C1orf216: variants seen among roughly 807,000 people sequenced by gnomAD.
C1orf216 encodes the protein UPF0500 protein C1orf216.
C1orf216 carries 18 observed loss-of-function variants against 16.4 expected under a neutral mutation model. The ratio of observed to expected loss-of-function variants is 1.10; its 90% confidence interval spans 0.76 to 1.63. C1orf216 has a LOEUF of 1.63. Ranked by LOEUF, C1orf216 falls within the 40% of genes most tolerant of loss-of-function variation. C1orf216 has a pLI of 0.00. For synonymous variants in C1orf216, 115 were observed against 116.9 expected, an observed-to-expected ratio of 0.98 and a Z score of 0.11; for missense variants, 271 against 297.6, an observed-to-expected ratio of 0.91 and a Z score of 0.66.
Position 35,715,752 on chromosome 1 carries a change from C to T in C1orf216, c.570G>A (p.Gln190=). 1 of 1,614,170 alleles carries T rather than the reference C, an allele frequency of 6.2e-7. No individual in the cohort carries two copies. ...GCAGTCGGGCCTGCTGGTCAATCAA[C>T]TGATGCTGCAGGCCCCGGATCCACT... ...LLQWIRGLQH[Q]LIDQQARLQE... The change falls in exon 2 of 2, where the codon CAG becomes CAA. Residue 190 remains glutamine, a synonymous_variant. Coordinates refer to ENST00000270815, the MANE Select transcript of C1orf216 (RefSeq NM_152374.2). This position sits in a 1 kb window ranked among gnomAD's most constrained non-coding sequence, Gnocchi z 4.3.
chr1:35,714,842 G>T lies in C1orf216; in HGVS notation c.*790C>A, dbSNP rs1466360040. 6.6e-6 allele frequency: 1 copy of T among 152,340 alleles called. No individual in the cohort carries two copies. Among genetic ancestry groups the T allele is most frequent in the Non-Finnish European group, 1.5e-5 (1 of 68,166 alleles). The allele number at this position is 152,340 out of a possible 1,614,324, so 9.4% of individuals were successfully genotyped here. A position where few individuals can be genotyped will look rare whatever the true frequency, so the allele number is the denominator to read the frequency against. On this transcript the variant is annotated 3_prime_UTR_variant, in exon 2 of 2. Transcript: ENST00000270815. ...AATTGCAGCCAAAATTCCATGGCAG[G>T]CCAGAGCAGCCACTAAACCTCCTAC...
Position 35,715,547 on chromosome 1 carries a change from C to T in C1orf216, c.*85G>A. 1 of 1,435,490 alleles carries T rather than the reference C, an allele frequency of 7.0e-7. No homozygotes were observed. The highest frequency in any genetic ancestry group is 9.4e-7 in the Non-Finnish European group (1 of 1,065,074). The allele number at this position is 1,435,490 out of a possible 1,614,324, so 88.9% of individuals were successfully genotyped here. On this transcript the variant is annotated 3_prime_UTR_variant, in exon 2 of 2. Transcript: ENST00000270815. This position sits in a 1 kb window ranked among gnomAD's most constrained non-coding sequence, Gnocchi z 4.3. ...ACACTCATGCCTACCTGCAATCATG[C>T]CAGCAAATTATGTACTTACTAGTGC...
Position 35,715,868 on chromosome 1 carries a change from G to A in C1orf216, c.454C>T (p.Gln152Ter). Reference protein sequence around the residue: ...PLLPSVAQAVQHLQVQERYKE... With the variant: ...PLLPSVAQAV Reference sequence around the variant, plus strand: ...TAGCGCTCCTGGACTTGTAAGTGCTGCACAGCCTGGGCCACTGAGGGCAGA... The same window carrying A: ...TAGCGCTCCTGGACTTGTAAGTGCTACACAGCCTGGGCCACTGAGGGCAGA... The change falls in exon 2 of 2, where the codon CAG (glutamine) becomes TAG (stop). Residue 152 changes from glutamine to a stop codon, truncating the protein, a stop_gained. Transcript: ENST00000270815. LOFTEE classifies it high-confidence loss of function. The surrounding 1 kb of genome is among the most constrained non-coding windows in gnomAD (Gnocchi z 4.3). The A allele has an allele frequency of 6.2e-7, 1 of 1,614,230 alleles. No individual in the cohort carries two copies.
intron 1 of C1orf216, among the ~76,000 whole-genome samples, chr1:35,718,486 G>C (rs1340923738): frequency 6.6e-6 from 1 of 152,112 alleles, no homozygotes; most frequent in African/African-American, 2.4e-5. Flanking sequence ...GGGATCACAG[G>C]GTTCTCAGAG....
Position 35,714,483 on chromosome 1 carries a change from A to C in C1orf216, c.*1149T>G, listed in dbSNP as rs1256896016. ...AGGTAGAGGCAGAGACAGGGAAGCG[A>C]TATTTTCCTCATCGGCCTTGGAACA... is the stretch of plus-strand genomic sequence containing the variant. On this transcript the variant is annotated 3_prime_UTR_variant, in exon 2 of 2. Transcript: ENST00000270815. The C allele has an allele frequency of 2.0e-5, 3 of 152,172 alleles. No individual in the cohort carries two copies. 9.4% of individuals were successfully genotyped at this position (152,172 alleles called of 1,614,324 possible).
chr1:35,714,095 T>A lies in C1orf216; in HGVS notation c.*1537A>T, dbSNP rs905614439. Reference sequence around the variant, plus strand: ...GACTGAGGGCCAGAGGCTGCATCAGTGACTTCCATGCCACTGTTCACCCAC... The same window carrying A: ...GACTGAGGGCCAGAGGCTGCATCAGAGACTTCCATGCCACTGTTCACCCAC... On this transcript the variant is annotated 3_prime_UTR_variant, in exon 2 of 2. Transcript: ENST00000270815. The A allele has an allele frequency of 6.6e-6, 1 of 152,030 alleles. No homozygotes were observed. Among genetic ancestry groups the A allele is most frequent in the Non-Finnish European group, 1.5e-5 (1 of 68,016 alleles). 9.4% of individuals were successfully genotyped at this position (152,030 alleles called of 1,614,324 possible).
At position 35,714,293 on chromosome 1, in the gene C1orf216, AG is replaced by A. The variant is rs1294736028; in HGVS notation, c.*1338del. 1 of 152,242 alleles carries A rather than the reference AG, an allele frequency of 6.6e-6. No individual in the cohort carries two copies. Among genetic ancestry groups the A allele is most frequent in the Non-Finnish European group, 1.5e-5 (1 of 68,060 alleles). 9.4% of individuals were successfully genotyped at this position (152,242 alleles called of 1,614,324 possible). Reference sequence around the variant, plus strand: ...GTTTGAAGGGCCATGCAGTGAAAGAAGGGGTTAAAATTCAGCATCCTAAGCA... The same window carrying A: ...GTTTGAAGGGCCATGCAGTGAAAGAAGGGTTAAAATTCAGCATCCTAAGCA... On this transcript the variant is annotated 3_prime_UTR_variant, in exon 2 of 2. Transcript: ENST00000270815.
chr1:35,715,689 C>T lies in C1orf216; in HGVS notation c.633G>A (p.Glu211=), dbSNP rs369495390. 11 of 1,613,988 alleles carry T rather than the reference C, an allele frequency of 6.8e-6. No individual in the cohort carries two copies. The highest frequency in any genetic ancestry group is 3.3e-4 in the Middle Eastern group (2 of 6,084). ...SFDTILDNRK[E]LIRCLQQRAA... is the part of the protein sequence containing the mutation. ...CCCTCTGCTGGAGACAGCGAATAAG[C>T]TCCTTCCGGTTGTCTAGGATGGTGT... The change falls in exon 2 of 2, where the codon GAG becomes GAA. Residue 211 remains glutamate (E), a synonymous_variant. Transcript: ENST00000270815. The surrounding 1 kb of genome is among the most constrained non-coding windows in gnomAD (Gnocchi z 4.3).
intron 1 of C1orf216, chr1:35,716,751 C>T (rs188029293): frequency 2.1e-4 from 36 of 173,986 alleles, no homozygotes; most frequent in East Asian, 1.1e-3. Flanking sequence ...AATCCCAGCA[C>T]TTTGGGAGGC....
intron 1 of C1orf216, among the ~76,000 whole-genome samples, chr1:35,717,682 G>A (rs1377166283): frequency 6.6e-6 from 1 of 152,174 alleles, no homozygotes; most frequent in African/African-American, 2.4e-5. Context: ...ATACATGGTC[G>A]ACGATCAGTG....
intron 1 of C1orf216, among the ~76,000 whole-genome samples, chr1:35,717,913 C>T (rs1441700003): frequency 6.6e-6 from 1 of 152,178 alleles, no homozygotes; most frequent in Non-Finnish European, 1.5e-5. Flanking sequence ...ACTCTTGACT[C>T]CCCAGGGCTG....
intron 1 of C1orf216, among the ~76,000 whole-genome samples, chr1:35,717,433 A>G (rs1339483012): frequency 6.6e-6 from 1 of 152,020 alleles, no homozygotes; most frequent in African/African-American, 2.4e-5. Context: ...CCTTTGGCCT[A>G]CAATATCCTT....
At position 35,716,076 on chromosome 1, in the gene C1orf216, G is replaced by C. The variant is rs1640951865; in HGVS notation, c.246C>G (p.Arg82=). 7 of 1,614,052 alleles carry C rather than the reference G, an allele frequency of 4.3e-6. No homozygotes were observed. Among genetic ancestry groups the C allele is most frequent in the Non-Finnish European group, 5.9e-6 (7 of 1,180,040 alleles). The stretch of plus-strand genomic sequence containing the variant: ...GAATCTCTGCCCCCTCTGGGGGGCT[G>C]CGCACCCCTTCCTCAGGGGATCCAG... ...QAPGSPEEGV[R]SPPEGAEIPG... is the part of the protein sequence containing the mutation. The change falls in exon 2 of 2, where the codon CGC becomes CGG. Residue 82 remains arginine (R), a synonymous_variant. Transcript: ENST00000270815.
At position 35,716,081 on chromosome 1, in the gene C1orf216, C is replaced by A; in HGVS notation, c.241G>T (p.Val81Leu). The A allele has an allele frequency of 1.2e-6, 2 of 1,614,124 alleles. No homozygotes were observed. The highest frequency in any genetic ancestry group is 1.7e-6 in the Non-Finnish European group (2 of 1,180,008). The change falls in exon 2 of 2, where the codon GTG becomes TTG. Residue 81 changes from valine to leucine, a missense_variant. Around this residue, in one of 3 missense-constraint regions of C1orf216, gnomAD observed 220 missense variants for 227.8 expected, o/e 0.97. Coordinates refer to ENST00000270815, the MANE Select transcript of C1orf216 (RefSeq NM_152374.2). ...FQAPGSPEEG[V>L]RSPPEGAEIP... Reference sequence around the variant, plus strand: ...TCTGCCCCCTCTGGGGGGCTGCGCACCCCTTCCTCAGGGGATCCAGGGGCC... The same window carrying A: ...TCTGCCCCCTCTGGGGGGCTGCGCAACCCTTCCTCAGGGGATCCAGGGGCC...
chr1:35,714,936 G>A lies in C1orf216; in HGVS notation c.*696C>T, dbSNP rs889780240. On this transcript the variant is annotated 3_prime_UTR_variant, in exon 2 of 2. Transcript: ENST00000270815. The stretch of plus-strand genomic sequence containing the variant: ...CTGGGTTAAGTGAGGGAAAGGGAAA[G>A]GAGAGGTGGCCTGGGAAATCCCAGG... 6 of 152,578 alleles carry A rather than the reference G, an allele frequency of 3.9e-5. No individual in the cohort carries two copies. The highest frequency in any genetic ancestry group is 1.4e-4 in the African/African-American group (6 of 41,480). The allele number at this position is 152,578 out of a possible 1,614,324, so 9.5% of individuals were successfully genotyped here.
Position 35,715,560 on chromosome 1 carries a change from T to G in C1orf216, c.*72A>C. On this transcript the variant is annotated 3_prime_UTR_variant, in exon 2 of 2. Coordinates refer to ENST00000270815, the MANE Select transcript of C1orf216 (RefSeq NM_152374.2). The surrounding 1 kb of genome is among the most constrained non-coding windows in gnomAD (Gnocchi z 4.3). ...CCTGCAATCATGCCAGCAAATTATG[T>G]ACTTACTAGTGCGCCTCACACATGC... The G allele has an allele frequency of 6.7e-7, 1 of 1,483,178 alleles. No individual in the cohort carries two copies. Among genetic ancestry groups the G allele is most frequent in the East Asian group, 2.3e-5 (1 of 43,302 alleles). 91.9% of individuals were successfully genotyped at this position (1,483,178 alleles called of 1,614,324 possible).
Position 35,716,095 on chromosome 1 carries a change from G to A in C1orf216, c.227C>T (p.Ser76Phe), listed in dbSNP as rs1640952368. 1 of 1,614,188 alleles carries A rather than the reference G, an allele frequency of 6.2e-7. No homozygotes were observed. Among genetic ancestry groups the A allele is most frequent in the South Asian group, 1.1e-5 (1 of 91,092 alleles). Residue 76 changes from serine to phenylalanine, a missense_variant, in exon 2 of 2, where the codon TCC becomes TTC. Ser to Phe is a radical substitution (Grantham distance 155). Coordinates refer to ENST00000270815, the MANE Select transcript of C1orf216 (RefSeq NM_152374.2). ...GGGGCTGCGCACCCCTTCCTCAGGG[G>A]ATCCAGGGGCCTGGAAGGCTTGGTT... ...SDNQAFQAPG[S>F]PEEGVRSPPE...
Position 35,713,914 on chromosome 1 carries a change from C to T in C1orf216, c.*1718G>A, listed in dbSNP as rs886629456. 4 of 152,138 alleles carry T rather than the reference C, an allele frequency of 2.6e-5. No individual in the cohort carries two copies. The highest frequency in any genetic ancestry group is 9.7e-5 in the African/African-American group (4 of 41,410). The allele number at this position is 152,138 out of a possible 1,614,324, so 9.4% of individuals were successfully genotyped here. On this transcript the variant is annotated 3_prime_UTR_variant, in exon 2 of 2. Transcript: ENST00000270815. ...CCAGTTTATTCATCTTGGGTTGGTC[C>T]AGAAGCCGGGTTTATACACTCAATA...
Position 35,718,865 on chromosome 1 carries a change from C to G in C1orf216, c.-164G>C, listed in dbSNP as rs1214909396. The G allele has an allele frequency of 6.6e-6, 1 of 152,250 alleles. No homozygotes were observed. Among genetic ancestry groups the G allele is most frequent in the Non-Finnish European group, 1.5e-5 (1 of 68,068 alleles). 9.4% of individuals were successfully genotyped at this position (152,250 alleles called of 1,614,324 possible). On this transcript the variant is annotated 5_prime_UTR_variant, in exon 1 of 2. Transcript: ENST00000270815. ...CGCGCCCAGCCCCAGTCCCGGACTG[C>G]GGAGTCAGGCGGCGTCTGCGCAGCA...
Sources: allele counts gnomAD v4.1 joint callset (sites outside exome capture counted in the v4.1 genomes callset), GRCh38; gene constraint gnomAD v4.1.1; regional missense constraint gnomAD v4.1.1; non-coding constraint Gnocchi (gnomAD v3.1); transcripts MANE v1.5; gene names NCBI Gene and HGNC (gene_info 2026-07-23, HGNC 2026-07-21).